The following PDSS2 variants were observed in gnomAD, a reference collection of about 807,000 sequenced individuals.
PDSS2 encodes the protein all trans-polyprenyl-diphosphate synthase PDSS2.
PDSS2 carries 31 observed loss-of-function variants against 44.5 expected under a neutral mutation model. The ratio of observed to expected loss-of-function variants is 0.70; its 90% CI spans 0.52 to 0.94. The LOEUF (loss-of-function observed/expected upper bound fraction) is 0.94, where lower values mean the gene tolerates loss of function less well. PDSS2 is among the 40% of genes least tolerant of loss of function. The pLI is 0.00. For synonymous variants in PDSS2, 157 were observed against 180.3 expected (o/e 0.87, Z 1.03); for missense variants, 452 against 482.2 (o/e 0.94, Z 0.59).
intron 2 of PDSS2, among the ~76,000 whole-genome samples, chr6:107,318,818 C>G (rs1777285538): frequency 6.6e-6 from 1 of 152,074 alleles, no homozygotes; most frequent in Non-Finnish European, 1.5e-5. Context: ...GAAACCCCAT[C>G]TCTACTAAAA....
intron 2 of PDSS2, among the ~76,000 whole-genome samples, chr6:107,317,791 G>A (rs1777246850): frequency 6.6e-6 from 1 of 152,152 alleles, no homozygotes; most frequent in South Asian, 2.1e-4. Context: ...AAAAAATAAT[G>A]TGAGCACTTT....
At chr6:107,201,833 C>T (rs778823247) in intron 6 of PDSS2, among the ~76,000 whole-genome samples, 10 of 152,166 alleles carry the variant, frequency 6.6e-5, no homozygotes, top group East Asian at 1.9e-4. Context: ...TACCTTCCCC[C>T]GCAAACTTTT....
intron 1 of PDSS2, among the ~76,000 whole-genome samples, chr6:107,336,860 G>A (rs1341224969): frequency 8.8e-5 from 13 of 147,636 alleles, no homozygotes; most frequent in African/African-American, 3.3e-4. Flanking sequence ...GTGTGTGTGT[G>A]TGTGTGTGTG....
chr6:107,348,656 T>C (rs1207342983), intron 1 of PDSS2, among the ~76,000 whole-genome samples: 5 of 152,220 alleles, frequency 3.3e-5, no homozygotes, highest in Non-Finnish European at 7.3e-5. Context: ...TCACTTCATG[T>C]TTCTAAACTG....
chr6:107,383,789 T>C (rs1177106797), intron 1 of PDSS2, among the ~76,000 whole-genome samples: 1 of 152,208 alleles, frequency 6.6e-6, no homozygotes, highest in Non-Finnish European at 1.5e-5. Flanking sequence ...CAATAGCAAT[T>C]GTTGATGAAG....
chr6:107,388,668 C>A (rs760494265), intron 1 of PDSS2, among the ~76,000 whole-genome samples: 46 of 152,272 alleles, frequency 3.0e-4, no homozygotes, highest in Middle Eastern at 3.4e-3. Flanking sequence ...CCGTGTTAGC[C>A]AGGATGGTCT....
At position 107,365,606 on chromosome 6, in the gene PDSS2, CT is replaced by C. The variant is rs1562490721; in HGVS notation, c.297-31275del. ...TTTAACTGGATTTAAAAAGCAAGAC[CT>C]AACTACATGCTTTCTCCAAAAGGCA... On this transcript the variant is annotated intron_variant, in intron 1 of 7. Transcript: ENST00000369037. Among the ~76,000 whole-genome samples the C allele has an allele frequency of 2.0e-5, 3 of 152,216 alleles. No homozygotes were observed. The South Asian group carries it at 6.2e-4, about 32-fold the overall frequency.
At chr6:107,212,837 A>C (rs1442419673) in intron 4 of PDSS2, among the ~76,000 whole-genome samples, 1 of 17,050 alleles carries the variant, frequency 5.9e-5, no homozygotes, top group Non-Finnish European at 1.1e-4. Flanking sequence ...AAGACTCTAC[A>C]AAAAAAAAAA....
chr6:107,332,868 CA>C (rs1307355572), intron 2 of PDSS2, among the ~76,000 whole-genome samples: 1 of 152,192 alleles, frequency 6.6e-6, no homozygotes, highest in Non-Finnish European at 1.5e-5. Context: ...TAGGTGATCA[CA>C]AGACATCCCT....
intron 4 of PDSS2, among the ~76,000 whole-genome samples, chr6:107,227,561 C>T (rs1031631500): frequency 2.0e-5 from 3 of 152,186 alleles, no homozygotes; most frequent in Admixed American, 1.3e-4. Flanking sequence ...GCTGGGATTA[C>T]AGGCTTGAGC....
chr6:107,173,767 T>C (rs1020192982), intron 7 of PDSS2, among the ~76,000 whole-genome samples: 5 of 152,044 alleles, frequency 3.3e-5, no homozygotes, highest in African/African-American at 7.3e-5. Flanking sequence ...AACACATGGA[T>C]AGTATCAAAA....
intron 6 of PDSS2, among the ~76,000 whole-genome samples, chr6:107,207,441 G>A (rs752379603): frequency 6.6e-6 from 1 of 152,084 alleles, no homozygotes; most frequent in Non-Finnish European, 1.5e-5. Flanking sequence ...GGATTAATAA[G>A]CAACCTCCTT....
rs1383298165 is a variant in PDSS2, at chr6:107,430,216, T to A, written c.296+28774A>T. 2.6e-5 allele frequency among the ~76,000 whole-genome samples: 4 copies of A among 152,186 alleles called. No homozygotes were observed. The East Asian group carries it at 7.8e-4, about 30-fold the overall frequency. ...CTTTAACTTCAAAAGTTCTAAAACC[T>A]AGGCCGGGCACAGTGGCTCACGCCT... On this transcript the variant is annotated intron_variant, in intron 1 of 7. Coordinates refer to ENST00000369037, the MANE Select transcript of PDSS2 (RefSeq NM_020381.4).
chr6:107,416,913 A>T (rs1320601602), intron 1 of PDSS2, among the ~76,000 whole-genome samples: 1 of 152,112 alleles, frequency 6.6e-6, no homozygotes, highest in East Asian at 1.9e-4. Context: ...TCAACATGTA[A>T]ATTTAAAAAT....
intron 1 of PDSS2, among the ~76,000 whole-genome samples, chr6:107,335,633 G>C (rs1027960877): frequency 1.3e-5 from 2 of 152,094 alleles, no homozygotes; most frequent in Non-Finnish European, 2.9e-5. Context: ...TATACCTGAG[G>C]CTAGAAATAC....
chr6:107,193,826 G>T lies in PDSS2; in HGVS notation c.1037C>A (p.Ala346Asp). The T allele has an allele frequency of 6.4e-7, 1 of 1,555,944 alleles. No homozygotes were observed. The highest frequency in any genetic ancestry group is 8.9e-7 in the Non-Finnish European group (1 of 1,127,012). The change falls in exon 7 of 8, where the codon GCT (alanine) becomes GAT (aspartate). Residue 346 changes from alanine (A) to aspartate (D), a missense_variant. Ala to Asp is a moderately radical substitution (Grantham distance 126). Coordinates refer to ENST00000369037, the MANE Select transcript of PDSS2 (RefSeq NM_020381.4). ...GTATGTATAAAATCTGCCTACCTTA[G>T]CATAGTCCAATCTTCCTTTTTCTTG... ...EAQEKGRLDY[A>D]KLRERIKAGK...
intron 2 of PDSS2, among the ~76,000 whole-genome samples, chr6:107,287,976 C>T (rs929295106): frequency 1.3e-5 from 2 of 152,058 alleles, no homozygotes; most frequent in African/African-American, 4.8e-5. Flanking sequence ...GCCTGAGCGA[C>T]AGAGTGAGAT....
intron 6 of PDSS2, among the ~76,000 whole-genome samples, chr6:107,208,285 C>CTTTTTTT (rs1164014672): frequency 1.9e-5 from 1 of 53,280 alleles, no homozygotes; most frequent in Non-Finnish European, 3.0e-5. Context: ...CATGCCTGGC[C>CTTTTTTT]TTTTTTTTTT....
At chr6:107,293,508 C>T (rs528317720) in intron 2 of PDSS2, among the ~76,000 whole-genome samples, 18 of 152,260 alleles carry the variant, frequency 1.2e-4, no homozygotes, top group African/African-American at 2.9e-4. Context: ...TGCCGCGGTA[C>T]GGGAGTTCAG....
Sources: allele counts gnomAD v4.1 joint callset (sites outside exome capture counted in the v4.1 genomes callset), GRCh38; gene constraint gnomAD v4.1.1; transcripts MANE v1.5; gene names NCBI Gene and HGNC (gene_info 2026-07-23, HGNC 2026-07-21).